The following SORCS3 variants were observed in gnomAD, a reference collection of about 807,000 sequenced individuals.
SORCS3 encodes sortilin related VPS10 domain containing receptor 3, also known as VPS10 domain-containing receptor SorCS3.
Under a neutral mutation model 146.3 loss-of-function variants are expected in SORCS3, and 57 were observed. The ratio of observed to expected loss-of-function variants is 0.39; its 90% confidence interval spans 0.31 to 0.49. SORCS3 has a LOEUF of 0.49. Among genes scored for constraint, SORCS3 ranks in the 20% least tolerant of loss-of-function variants. SORCS3 has a pLI of 0.92. For synonymous variants in SORCS3, 653 were observed against 618.5 expected (o/e 1.06, Z -0.83); for missense variants, 1,341 against 1,575.5 (o/e 0.85, Z 2.52).
intron 4 of SORCS3, among the ~76,000 whole-genome samples, chr10:105,016,938 A>G (rs937162528): frequency 2.6e-5 from 4 of 152,174 alleles, no homozygotes; most frequent in African/African-American, 9.7e-5. Context: ...CCTGGGGGAA[A>G]GATGTATTTA....
At chr10:104,700,077 G>C (rs1177188131) in intron 1 of SORCS3, among the ~76,000 whole-genome samples, 2 of 152,160 alleles carry the variant, frequency 1.3e-5, no homozygotes, top group Admixed American at 1.3e-4. Flanking sequence ...AGTCACAAGT[G>C]GTTGCTTGGA....
intron 14 of SORCS3, among the ~76,000 whole-genome samples, chr10:105,191,320 G>C (rs766278789): frequency 3.9e-5 from 6 of 152,162 alleles, no homozygotes; most frequent in Non-Finnish European, 8.8e-5. Flanking sequence ...AAGAAGCAAG[G>C]AGGAAAGATC....
rs114560307 is a variant in SORCS3 at position 104,896,755 on chromosome 10, G to C, written c.696-19078G>C. Reference sequence around the variant, plus strand: ...ACCTTAGAAATAAGGTGAACTCAAAGTTTAGTGTCCAGAAATAACATTTGA... The same window carrying C: ...ACCTTAGAAATAAGGTGAACTCAAACTTTAGTGTCCAGAAATAACATTTGA... On this transcript the variant is annotated intron_variant, in intron 2 of 26. Transcript: ENST00000369701. 5.5e-3 allele frequency among the ~76,000 whole-genome samples: 844 copies of C among 152,346 alleles called. 14 individuals carry two copies. Among genetic ancestry groups the C allele is most frequent in the African/African-American group, 0.019 (783 of 41,574 alleles).
At chr10:104,927,800 C>T (rs1193837154) in intron 3 of SORCS3, among the ~76,000 whole-genome samples, 2 of 151,762 alleles carry the variant, frequency 1.3e-5, no homozygotes, top group African/African-American at 4.8e-5. Flanking sequence ...ATCGCTTGAA[C>T]CCGGGAGGTG....
chr10:104,646,581 T>C (rs1207355473), intron 1 of SORCS3, among the ~76,000 whole-genome samples: 1 of 152,206 alleles, frequency 6.6e-6, no homozygotes, highest in Non-Finnish European at 1.5e-5. Context: ...AGACTAGTGG[T>C]TTATCCAAGG....
chr10:105,045,220 C>G lies in SORCS3; in HGVS notation c.1028+2092C>G, dbSNP rs532135023. Among the ~76,000 whole-genome samples the G allele has an allele frequency of 3.3e-5, 5 of 152,132 alleles. No individual in the cohort carries two copies. In the South Asian group the frequency reaches 6.2e-4, roughly 19 times the overall value. ...TAAGTGCCTAAGAAGCAACATTTTC[C>G]TATATTTTGCAAAGAGCAAGAGGAG... On this transcript the variant is annotated intron_variant, in intron 5 of 26. Coordinates refer to ENST00000369701, the MANE Select transcript of SORCS3 (RefSeq NM_014978.3).
In SORCS3 at chr10:104,641,930, G is replaced by A. The variant is rs1284642725; in HGVS notation, c.603G>A (p.Val201=). 6.3e-7 allele frequency: 1 copy of A among 1,592,784 alleles called. No individual in the cohort carries two copies. Residue 201 remains valine, a synonymous_variant, in exon 1 of 27, where the codon GTG becomes GTA. Transcript: ENST00000369701. The surrounding 1 kb of genome is among the most constrained non-coding windows in gnomAD (Gnocchi z 6.4). ...ACTCGGCCCACAACCAAGCCATGGTGCACTGGTCGGGACACAACAGCAGCG... is the reference window on the plus strand; with the variant it reads ...ACTCGGCCCACAACCAAGCCATGGTACACTGGTCGGGACACAACAGCAGCG... ...TGDSAHNQAM[V]HWSGHNSSVI... is the part of the protein sequence containing the mutation.
rs770979633 is a variant in SORCS3 at position 104,677,741 on chromosome 10, CCCTATATCCCA to C, written c.627+35801_627+35811del. On this transcript the variant is annotated intron_variant, in intron 1 of 26. Coordinates refer to ENST00000369701, the MANE Select transcript of SORCS3 (RefSeq NM_014978.3). ...ATTATCCTGTTGTTCTGTAAGATAT[CCCTATATCCCA>C]CCTATATCCCACCCCAGTAGCCAGT... Among the ~76,000 whole-genome samples, 349 of 152,220 alleles carry C rather than the reference CCCTATATCCCA, an allele frequency of 2.3e-3. 1 individual carries two copies. The highest frequency in any genetic ancestry group is 2.2e-3 in the Non-Finnish European group (153 of 68,014).
intron 2 of SORCS3, among the ~76,000 whole-genome samples, chr10:104,871,345 G>T (rs2451496): frequency 0.84 from 127,640 of 152,106 alleles, 54,018 homozygotes; most frequent in East Asian, 0.97. Flanking sequence ...TGGAAAGTCC[G>T]CTCCTAAACT....
intron 1 of SORCS3, among the ~76,000 whole-genome samples, chr10:104,695,342 TG>T (rs1489972940): frequency 6.6e-6 from 1 of 151,598 alleles, no homozygotes; most frequent in Non-Finnish European, 1.5e-5. Context: ...TGTTATTTGC[TG>T]GGGGGTTAGG....
At chr10:104,919,945 C>T (rs1235929329) in intron 3 of SORCS3, among the ~76,000 whole-genome samples, 3 of 152,158 alleles carry the variant, frequency 2.0e-5, no homozygotes, top group Non-Finnish European at 4.4e-5. Context: ...AATAAAAATA[C>T]TCTTATTTGT....
chr10:104,831,834 G>A (rs2018004188), intron 1 of SORCS3, among the ~76,000 whole-genome samples: 1 of 152,178 alleles, frequency 6.6e-6, no homozygotes, highest in African/African-American at 2.4e-5. Flanking sequence ...TCAGAACACA[G>A]AAAGCAAGTA....
intron 2 of SORCS3, among the ~76,000 whole-genome samples, chr10:104,873,092 G>A (rs1388471954): frequency 1.3e-5 from 2 of 152,220 alleles, no homozygotes; most frequent in Non-Finnish European, 2.9e-5. Context: ...CCTTTCTGCA[G>A]CAGAGAGCTG....
At chr10:104,778,184 T>C (rs2017331837) in intron 1 of SORCS3, among the ~76,000 whole-genome samples, 1 of 152,312 alleles carries the variant, frequency 6.6e-6, no homozygotes. Flanking sequence ...CCTGATTTGA[T>C]CATTGTATAC....
intron 3 of SORCS3, among the ~76,000 whole-genome samples, chr10:104,920,461 A>C (rs1296506478): frequency 6.6e-6 from 1 of 152,232 alleles, no homozygotes; most frequent in Non-Finnish European, 1.5e-5. Context: ...CCCAGGTAGC[A>C]CTAACTGAGC....
intron 1 of SORCS3, among the ~76,000 whole-genome samples, chr10:104,778,370 A>G (rs1031606332): frequency 1.7e-4 from 26 of 152,236 alleles, no homozygotes; most frequent in African/African-American, 5.3e-4. Context: ...TAATGGATTC[A>G]GGTGCAGTGT....
chr10:105,214,661 T>G, intron 18 of SORCS3, 48 bp downstream of exon 18: 1 of 1,476,310 alleles, frequency 6.8e-7, no homozygotes, highest in Non-Finnish European at 9.1e-7. Flanking sequence ...AACCAGACCA[T>G]TCCCAGAAGG....
At chr10:104,952,230 G>A (rs1231773650) in intron 3 of SORCS3, among the ~76,000 whole-genome samples, 18 of 117,776 alleles carry the variant, frequency 1.5e-4, no homozygotes, top group Non-Finnish European at 2.9e-4. Flanking sequence ...CACTCTCCAG[G>A]TGATTCTGGT....
chr10:105,255,705 G>T lies in SORCS3; in HGVS notation c.3241G>T (p.Val1081Leu), dbSNP rs765639768. The change falls in exon 24 of 27, where the codon GTA becomes TTA. Residue 1081 changes from valine (V) to leucine (L), a missense_variant. Val to Leu is a conservative substitution (Grantham distance 32). Transcript: ENST00000369701. Reference sequence around the variant, plus strand: ...GCATCCTGTCTTATTTTTTCAGATTGTAGAAACACTGTTTAATGCTCTCAA... The same window carrying T: ...GCATCCTGTCTTATTTTTTCAGATTTTAGAAACACTGTTTAATGCTCTCAA... The part of the protein sequence containing the change: ...KGNEGDLEQI[V>L]ETLFNALNQN... 1.2e-6 allele frequency: 2 copies of T among 1,611,782 alleles called. No homozygotes were observed. Among genetic ancestry groups the T allele is most frequent in the Non-Finnish European group, 1.7e-6 (2 of 1,178,166 alleles).
Sources: allele counts gnomAD v4.1 joint callset (sites outside exome capture counted in the v4.1 genomes callset), GRCh38; gene constraint gnomAD v4.1.1; non-coding constraint Gnocchi (gnomAD v3.1); transcripts MANE v1.5; gene names NCBI Gene and HGNC (gene_info 2026-07-23, HGNC 2026-07-21).